The following HMGN5 variants were observed in gnomAD, a reference collection of about 807,000 sequenced individuals.
HMGN5 encodes high mobility group nucleosome binding domain 5.
HMGN5 carries 4 observed loss-of-function variants against 9.5 expected under a neutral mutation model. That is an observed-to-expected ratio of 0.42 (90% confidence interval 0.21 to 0.96). The LOEUF is 0.96. Ranked by LOEUF, HMGN5 falls within the 40% of genes least tolerant of loss-of-function variation. The pLI, the probability that HMGN5 is intolerant of heterozygous loss-of-function variation, is 0.30. For missense variants in HMGN5, 192 were observed against 187.5 expected (o/e 1.02, Z -0.14); for synonymous variants, 55 against 57.1 (o/e 0.96, Z 0.16).
At chrX:81,198,663 G>A (rs1367012958) in intron 1 of HMGN5, among the ~76,000 whole-genome samples, 2 of 111,567 alleles carry the variant, frequency 1.8e-5, no homozygotes, top group Admixed American at 9.5e-5. Flanking sequence ...AAAGGCCTTC[G>A]AAAAAATTTA....
intron 1 of HMGN5, among the ~76,000 whole-genome samples, chrX:81,160,233 T>C (rs1436307575): frequency 1.8e-5 from 2 of 111,999 alleles, no homozygotes. Flanking sequence ...GAAGACATCA[T>C]TCCTGATATA....
chrX:81,174,929 T>C (rs752422943), intron 1 of HMGN5, among the ~76,000 whole-genome samples: 2 of 111,342 alleles, frequency 1.8e-5, no homozygotes, highest in Non-Finnish European at 3.8e-5. Flanking sequence ...CATGATACTC[T>C]TGTCATAATT....
intron 1 of HMGN5, among the ~76,000 whole-genome samples, chrX:81,143,182 A>G (rs1319472175): frequency 1.8e-5 from 2 of 111,767 alleles, no homozygotes; most frequent in Admixed American, 9.5e-5. Flanking sequence ...AGAGAAAATC[A>G]CCTTCACTAA....
chrX:81,181,304 TTTA>T (rs1215757972), intron 1 of HMGN5, among the ~76,000 whole-genome samples: 1 of 111,575 alleles, frequency 9.0e-6, no homozygotes, highest in African/African-American at 3.3e-5. Flanking sequence ...TTTTTGGTTT[TTTA>T]TTTATTTTTT....
In HMGN5 at chrX:81,124,648, A is replaced by G. The variant is rs1298069321; in HGVS notation, c.-123-2976T>C. On this transcript the variant is annotated intron_variant, in intron 1 of 6. Coordinates refer to ENST00000358130, the MANE Select transcript of HMGN5 (RefSeq NM_030763.3). Reference sequence around the variant, plus strand: ...TCACACTCTACATACCTTCTGTAGAATTTACTACTTTTCCAATATATTTTT... The same window carrying G: ...TCACACTCTACATACCTTCTGTAGAGTTTACTACTTTTCCAATATATTTTT... 9.8e-5 allele frequency among the ~76,000 whole-genome samples: 11 copies of G among 112,507 alleles called. No individual in the cohort carries two copies. The Admixed American group carries it at 1.0e-3, about 11-fold the overall frequency.
At chrX:81,174,390 A>C (rs1297768479) in intron 1 of HMGN5, among the ~76,000 whole-genome samples, 1 of 111,631 alleles carries the variant, frequency 9.0e-6, no homozygotes, top group Non-Finnish European at 1.9e-5. Flanking sequence ...CCTAGAGTAC[A>C]TAAATTCTTT....
intron 2 of HMGN5, 67 bp from the exon 3 acceptor site, chrX:81,119,884 G>T: frequency 1.1e-6 from 1 of 936,072 alleles, no homozygotes; most frequent in Non-Finnish European, 1.5e-6. Flanking sequence ...AGAAAATACT[G>T]CCTGCGGATT....
intron 1 of HMGN5, among the ~76,000 whole-genome samples, chrX:81,140,449 A>G (rs1481151802): frequency 9.3e-6 from 1 of 107,405 alleles, no homozygotes; most frequent in Non-Finnish European, 1.9e-5. Context: ...AGTCCCAGCT[A>G]CTCGGGAGGC....
chrX:81,141,667 A>C (rs1354389545), intron 1 of HMGN5, among the ~76,000 whole-genome samples: 1 of 111,854 alleles, frequency 8.9e-6, no homozygotes, highest in Non-Finnish European at 1.9e-5. Context: ...CCCAAAACAG[A>C]TACAGCTTGG....
chrX:81,168,016 A>G (rs1223920013), intron 1 of HMGN5, among the ~76,000 whole-genome samples: 1 of 112,362 alleles, frequency 8.9e-6, no homozygotes, highest in East Asian at 2.8e-4. Flanking sequence ...GTTAATGAAC[A>G]AAGACTTCTT....
At chrX:81,130,787 C>T (rs1295728361) in intron 1 of HMGN5, among the ~76,000 whole-genome samples, 1 of 110,764 alleles carries the variant, frequency 9.0e-6, no homozygotes, top group Non-Finnish European at 1.9e-5. Flanking sequence ...TACAAGGGTC[C>T]AACCTCTGTA....
At chrX:81,135,571 C>T (rs778629016) in intron 1 of HMGN5, among the ~76,000 whole-genome samples, 8 of 110,238 alleles carry the variant, frequency 7.3e-5, no homozygotes, top group Non-Finnish European at 1.3e-4. Context: ...GTGAAAGAAC[C>T]CAGTAACAAA....
chrX:81,171,818 G>T (rs1228349900), intron 1 of HMGN5, among the ~76,000 whole-genome samples: 3 of 110,854 alleles, frequency 2.7e-5, no homozygotes, highest in Non-Finnish European at 5.7e-5. Flanking sequence ...CTGGTTCAGG[G>T]TCATTGTACA....
At chrX:81,171,918 A>G (rs1223556098) in intron 1 of HMGN5, among the ~76,000 whole-genome samples, 1 of 111,771 alleles carries the variant, frequency 8.9e-6, no homozygotes, top group African/African-American at 3.2e-5. Context: ...GTAAAATGAA[A>G]ACCGATAAGA....
intron 1 of HMGN5, among the ~76,000 whole-genome samples, chrX:81,181,956 T>C (rs1379771742): frequency 2.7e-5 from 3 of 111,923 alleles, no homozygotes; most frequent in East Asian, 5.6e-4. Context: ...TTTTTGGCTA[T>C]ATACCTAGGA....
intron 1 of HMGN5, among the ~76,000 whole-genome samples, chrX:81,130,036 T>A (rs1285924199): frequency 9.0e-6 from 1 of 111,640 alleles, no homozygotes; most frequent in Admixed American, 9.6e-5. Context: ...AATTATCTCC[T>A]TGCCACCAGG....
intron 1 of HMGN5, among the ~76,000 whole-genome samples, chrX:81,177,398 A>G (rs1369520422): frequency 4.4e-4 from 28 of 63,763 alleles, no homozygotes; most frequent in African/African-American, 1.4e-3. Flanking sequence ...AAAAAAAAAA[A>G]GAAGTGGTTG....
intron 1 of HMGN5, among the ~76,000 whole-genome samples, chrX:81,142,590 A>G (rs1361739856): frequency 8.9e-6 from 1 of 112,018 alleles, no homozygotes; most frequent in Non-Finnish European, 1.9e-5. Context: ...TACTGAAGGA[A>G]AAAAAAACTT....
intron 1 of HMGN5, among the ~76,000 whole-genome samples, chrX:81,183,732 G>A (rs745492198): frequency 8.9e-6 from 1 of 112,892 alleles, no homozygotes; most frequent in Non-Finnish European, 1.9e-5. Context: ...GTGTGCCCTG[G>A]ATGTGAGACA....
Sources: allele counts gnomAD v4.1 joint callset (sites outside exome capture counted in the v4.1 genomes callset), GRCh38; gene constraint gnomAD v4.1.1; transcripts MANE v1.5; gene names NCBI Gene and HGNC (gene_info 2026-07-23, HGNC 2026-07-21).